ACOT1: variants seen among roughly 807,000 people sequenced by gnomAD.
The protein encoded by ACOT1 is acyl-coenzyme A thioesterase 1.
ACOT1 carries 8 observed loss-of-function variants against 15.7 expected under a neutral mutation model. The ratio of observed to expected loss-of-function variants is 0.51; its 90% CI spans 0.30 to 0.92. The LOEUF (loss-of-function observed/expected upper bound fraction) is 0.92. ACOT1 is among the 40% of genes least tolerant of loss of function. The pLI is 0.06. For missense variants in ACOT1, 151 were observed against 539.4 expected, an observed-to-expected ratio of 0.28 and a Z score of 7.13; for synonymous variants, 67 against 241.2, an observed-to-expected ratio of 0.28 and a Z score of 6.69.
At chr14:73,501,318 G>C in the ACOT1 span, among the ~76,000 whole-genome samples, 2 of 151,924 alleles carry the variant, frequency 1.3e-5, no homozygotes, top group African/African-American at 2.4e-5. Flanking sequence ...GTAGAGATGG[G>C]GTTTCACTAT....
the ACOT1 span, chr14:73,493,345 G>T: frequency 2.0e-6 from 1 of 498,008 alleles, no homozygotes; most frequent in South Asian, 3.4e-5. Flanking sequence ...GTTTGTTATT[G>T]TTAAATTTGT....
At chr14:73,495,538 A>G in the ACOT1 span, 2 of 636,756 alleles carry the variant, frequency 3.1e-6, no homozygotes, top group South Asian at 4.0e-5. Context: ...AGCTGTGATC[A>G]TGCCACTGCA....
intron 1 of ACOT1, 76 bp from the exon 2 acceptor site, chr14:73,541,417 T>C: frequency 8.8e-7 from 1 of 1,137,756 alleles, no homozygotes. Flanking sequence ...GGTAAGTATA[T>C]GTTTAACTTG....
the ACOT1 span, chr14:73,493,083 T>C: frequency 1.2e-6 from 2 of 1,612,174 alleles, no homozygotes; most frequent in Admixed American, 3.4e-5. Flanking sequence ...ACTGCTTCAG[T>C]GTCACAAACC....
the ACOT1 span, among the ~76,000 whole-genome samples, chr14:73,509,810 C>CTATATATATATATATATATATA: frequency 1.6e-5 from 1 of 63,210 alleles, no homozygotes; most frequent in Non-Finnish European, 3.1e-5. Flanking sequence ...CCCCATGAGC[C>CTATATATATATATATATATATA]CATATATATA....
the ACOT1 span, chr14:73,491,679 G>T: frequency 6.5e-7 from 1 of 1,549,610 alleles, no homozygotes; most frequent in Non-Finnish European, 8.7e-7. Flanking sequence ...TTTTACCGGC[G>T]CCTATGGGAG....
At chr14:73,501,309 T>A in the ACOT1 span, among the ~76,000 whole-genome samples, 1 of 152,120 alleles carries the variant, frequency 6.6e-6, no homozygotes, top group African/African-American at 2.4e-5. Context: ...GTATTTTTAG[T>A]AGAGATGGGG....
the ACOT1 span, among the ~76,000 whole-genome samples, chr14:73,507,200 G>C: frequency 5.3e-5 from 8 of 152,116 alleles, no homozygotes; most frequent in Non-Finnish European, 1.0e-4. Context: ...ACAAATATAG[G>C]CCTCTGCAGT....
the ACOT1 span, chr14:73,522,917 C>T: frequency 6.2e-7 from 1 of 1,614,186 alleles, no homozygotes; most frequent in Admixed American, 1.7e-5. Context: ...GCCTCGCTGC[C>T]ACACCACCTC....
the ACOT1 span, chr14:73,495,262 T>C: frequency 1.9e-6 from 3 of 1,613,958 alleles, no homozygotes; most frequent in Non-Finnish European, 2.5e-6. Flanking sequence ...TCTGGAGTGT[T>C]AGTGGTCCTT....
the ACOT1 span, chr14:73,492,762 C>T: frequency 1.2e-6 from 2 of 1,613,892 alleles, no homozygotes; most frequent in South Asian, 1.1e-5. The surrounding 1 kb of genome is among the most constrained non-coding windows in gnomAD (Gnocchi z 4.9). Context: ...CTGGAAGAAC[C>T]CAAGTGCTTG....
chr14:73,509,860 ATATATATATT>A, the ACOT1 span, among the ~76,000 whole-genome samples: 54 of 63,356 alleles, frequency 8.5e-4, 4 homozygotes, highest in South Asian at 3.4e-3. Context: ...ATATATATAT[ATATATATATT>A]TATTTATTTT....
chr14:73,537,135 C>T, upstream of ACOT1: 1 of 326,296 alleles, frequency 3.1e-6, no homozygotes, highest in South Asian at 3.4e-5. Flanking sequence ...CCAGTCCTGG[C>T]CCAGCCCATT....
chr14:73,528,077 A>T, the ACOT1 span, among the ~76,000 whole-genome samples: 1 of 151,968 alleles, frequency 6.6e-6, no homozygotes, highest in East Asian at 1.9e-4. Flanking sequence ...AAAGAATACC[A>T]TATTACCATT....
In ACOT1 at chr14:73,542,403, C is replaced by CTTTT. The variant is rs57839054; in HGVS notation, c.661-631_661-628dup. ...TTAAATTCCAGTATGTTTTTTCTTT[C>CTTTT]TTTTTTTTTTTTTTTTTTTAAGACG... On this transcript the variant is annotated intron_variant, in intron 2 of 2. Transcript: ENST00000311148. Among the ~76,000 whole-genome samples, 7 of 83,464 alleles carry CTTTT rather than the reference C, an allele frequency of 8.4e-5. 2 individuals are homozygous for CTTTT. The highest frequency in any genetic ancestry group is 2.0e-4 in the African/African-American group (5 of 24,608). The allele number at this position is 83,464 out of a possible 152,430, so 54.8% of individuals were successfully genotyped here.
the ACOT1 span, among the ~76,000 whole-genome samples, chr14:73,509,883 A>T: frequency 8.4e-6 from 1 of 119,158 alleles, no homozygotes; most frequent in Non-Finnish European, 1.7e-5. Flanking sequence ...TTTATTTTAT[A>T]TATTTTTTGA....
the ACOT1 span, chr14:73,500,723 G>T: frequency 6.2e-7 from 1 of 1,613,328 alleles, no homozygotes; most frequent in Non-Finnish European, 8.5e-7. Context: ...CCTTGACCTA[G>T]CTTGACCCTG....
the ACOT1 span, chr14:73,514,133 T>C: frequency 6.2e-7 from 1 of 1,614,224 alleles, no homozygotes; most frequent in Non-Finnish European, 8.5e-7. Flanking sequence ...TTCAATCTCC[T>C]GGTCTTAATA....
the ACOT1 span, among the ~76,000 whole-genome samples, chr14:73,515,456 G>A: frequency 2.0e-5 from 3 of 152,004 alleles, no homozygotes; most frequent in African/African-American, 7.2e-5. Context: ...AAAGCGGGTG[G>A]ATCACTTGAG....
Sources: gnomAD v4.1 joint callset for allele counts (sites outside exome capture counted in the v4.1 genomes callset) on GRCh38, gnomAD v4.1.1 for gene constraint, Gnocchi (gnomAD v3.1) non-coding constraint, MANE v1.5 for transcripts, NCBI Gene and HGNC (gene_info 2026-07-23, HGNC 2026-07-21) for gene names.